The following POMK variants were observed in gnomAD, a reference collection of about 807,000 sequenced individuals.
POMK encodes the protein protein O-mannose kinase.
In POMK, 19 loss-of-function variants were observed where a neutral mutation model predicts 23.0. The ratio of observed to expected loss-of-function variants is 0.83; its 90% CI spans 0.58 to 1.21. The LOEUF (loss-of-function observed/expected upper bound fraction) is 1.21. POMK is among the 50% of genes most tolerant of loss of function. POMK has a pLI of 0.00. For missense variants in POMK, 410 were observed against 431.3 expected, an observed-to-expected ratio of 0.95 and a Z score of 0.44; for synonymous variants, 173 against 171.6, an observed-to-expected ratio of 1.01 and a Z score of -0.06.
rs539650013 is a variant in POMK, at chr8:43,107,207, A to G, written c.282+3377A>G. ...ACAAAAATATTAGGATTTAGTCTAA[A>G]TTGAAGAAAAAAAAAACTAACAACA... On this transcript the variant is annotated intron_variant, in intron 4 of 4. Transcript: ENST00000331373. Among the ~76,000 whole-genome samples the G allele has an allele frequency of 9.7e-4, 148 of 152,262 alleles. 1 individual carries two copies. Among genetic ancestry groups the G allele is most frequent in the African/African-American group, 3.3e-3 (139 of 41,538 alleles).
chr8:43,109,047 A>G (rs1010268297), intron 4 of POMK, among the ~76,000 whole-genome samples: 2 of 152,258 alleles, frequency 1.3e-5, no homozygotes, highest in Non-Finnish European at 2.9e-5. Flanking sequence ...TGTTTCCTGC[A>G]TGATTTTAAT....
chr8:43,099,141 A>G (rs2130595425), intron 2 of POMK, among the ~76,000 whole-genome samples: 1 of 152,204 alleles, frequency 6.6e-6, no homozygotes, highest in East Asian at 1.9e-4. Context: ...TGTAGACAGG[A>G]GGTCTTACTA....
chr8:43,118,774 G>T (rs1298573075), intron 4 of POMK, among the ~76,000 whole-genome samples: 1 of 152,138 alleles, frequency 6.6e-6, no homozygotes, highest in Non-Finnish European at 1.5e-5. Flanking sequence ...AGGAGCCCTG[G>T]GGCCTGTGGC....
Position 43,105,941 on chromosome 8 carries a change from G to A in POMK, c.282+2111G>A, listed in dbSNP as rs1168910806. On this transcript the variant is annotated intron_variant, in intron 4 of 4. Transcript: ENST00000331373. ...CTCCCAAAGTGCTGGGATTACAGGC[G>A]TGAGCCACTTAGCCTGGCTGTGCAT... Among the ~76,000 whole-genome samples the A allele has an allele frequency of 3.3e-5, 5 of 152,170 alleles. No homozygotes were observed. In the East Asian group the frequency reaches 5.8e-4, roughly 18 times the overall value.
chr8:43,105,320 T>A (rs1218945736), intron 4 of POMK, among the ~76,000 whole-genome samples: 2 of 152,244 alleles, frequency 1.3e-5, no homozygotes, highest in Non-Finnish European at 2.9e-5. Flanking sequence ...TTAACAAATC[T>A]CTGCCTATCC....
chr8:43,112,302 G>T (rs1440615847), intron 4 of POMK, among the ~76,000 whole-genome samples: 1 of 152,196 alleles, frequency 6.6e-6, no homozygotes, highest in Non-Finnish European at 1.5e-5. Flanking sequence ...CGATCAACTG[G>T]AAGATAGGGT....
chr8:43,115,252 A>G (rs551577984), intron 4 of POMK, among the ~76,000 whole-genome samples: 1 of 151,696 alleles, frequency 6.6e-6, no homozygotes, highest in African/African-American at 2.4e-5. Flanking sequence ...CTAATCCTGG[A>G]CCTCTCGTCT....
In POMK at chr8:43,107,524, G is replaced by A. The variant is rs1811568030; in HGVS notation, c.282+3694G>A. Among the ~76,000 whole-genome samples the A allele has an allele frequency of 2.6e-5, 4 of 151,222 alleles. No individual in the cohort carries two copies. The South Asian group carries it at 8.4e-4, about 32-fold the overall frequency. On this transcript the variant is annotated intron_variant, in intron 4 of 4. Transcript: ENST00000331373. ...TGAGTAGCTGGGATTACAGGTGAGT[G>A]CCACCACACCTGGCTAATTTTTGTA...
chr8:43,105,145 C>G (rs371361936), intron 4 of POMK, among the ~76,000 whole-genome samples: 9 of 152,300 alleles, frequency 5.9e-5, no homozygotes, highest in African/African-American at 2.2e-4. Context: ...CGGATCAGGG[C>G]ATATCTGCCA....
chr8:43,105,033 A>G (rs1221941343), intron 4 of POMK, among the ~76,000 whole-genome samples: 2 of 152,092 alleles, frequency 1.3e-5, no homozygotes, highest in Admixed American at 6.5e-5. Flanking sequence ...TGATGGTATT[A>G]TACTGATTTT....
intron 4 of POMK, among the ~76,000 whole-genome samples, chr8:43,118,807 T>G (rs889526712): frequency 5.3e-5 from 8 of 152,028 alleles, no homozygotes; most frequent in Non-Finnish European, 1.0e-4. Context: ...ACTTACTGTT[T>G]TTTTTGTTGT....
intron 4 of POMK, 115 bp from the exon 5 acceptor site, chr8:43,121,992 T>G: frequency 9.8e-7 from 1 of 1,022,844 alleles, no homozygotes; most frequent in South Asian, 1.5e-5. Context: ...GGTCTGCACC[T>G]TGTTAATTTC....
intron 4 of POMK, among the ~76,000 whole-genome samples, chr8:43,109,746 T>C (rs1586674348): frequency 1.3e-5 from 2 of 152,196 alleles, no homozygotes; most frequent in Middle Eastern, 6.8e-3. Context: ...TTTCACTATG[T>C]TGGCCAGGCT....
In POMK at chr8:43,098,283, C is replaced by A. The variant is rs1201815109; in HGVS notation, c.-118+668C>A. Among the ~76,000 whole-genome samples the A allele has an allele frequency of 3.9e-5, 6 of 152,308 alleles. No homozygotes were observed. The South Asian group carries it at 1.2e-3, about 32-fold the overall frequency. On this transcript the variant is annotated intron_variant, in intron 2 of 4. Coordinates refer to ENST00000331373, the MANE Select transcript of POMK (RefSeq NM_032237.5). ...TCCCTGTCAGCAGCTATTCCACCCC[C>A]TGCCTCCCCAGCCTCTGGGAGCCAC... is the stretch of plus-strand genomic sequence containing the variant.
In POMK at chr8:43,106,058, C is replaced by T. The variant is rs1212632602; in HGVS notation, c.282+2228C>T. On this transcript the variant is annotated intron_variant, in intron 4 of 4. Transcript: ENST00000331373. ...TGTTAGTTCTGTTTGTAATTTTCTG[C>T]GGAACCTCCATACTGTTTTCCATAA... is the stretch of plus-strand genomic sequence containing the variant. Among the ~76,000 whole-genome samples the T allele has an allele frequency of 5.3e-5, 8 of 152,212 alleles. No homozygotes were observed. In the East Asian group the frequency reaches 7.7e-4, roughly 15 times the overall value.
chr8:43,100,844 C>G lies in POMK; in HGVS notation c.-117-1661C>G, dbSNP rs1811426145. Reference sequence around the variant, plus strand: ...GTCAGAGGCCCGGTGCGCTAAGGGTCAAGTTGGTGTGAGGTGCACGTGTGT... The same window carrying G: ...GTCAGAGGCCCGGTGCGCTAAGGGTGAAGTTGGTGTGAGGTGCACGTGTGT... On this transcript the variant is annotated intron_variant, in intron 2 of 4. Transcript: ENST00000331373. 2.0e-5 allele frequency among the ~76,000 whole-genome samples: 3 copies of G among 151,720 alleles called. No individual in the cohort carries two copies. The South Asian group carries it at 6.2e-4, about 32-fold the overall frequency.
chr8:43,119,041 G>A (rs1811857336), intron 4 of POMK, among the ~76,000 whole-genome samples: 1 of 152,138 alleles, frequency 6.6e-6, no homozygotes, highest in Non-Finnish European at 1.5e-5. Flanking sequence ...TTGATCTCCT[G>A]ACCTCGTGAT....
chr8:43,096,724 C>G (rs1811342879), intron 1 of POMK, among the ~76,000 whole-genome samples: 1 of 152,194 alleles, frequency 6.6e-6, no homozygotes, highest in African/African-American at 2.4e-5. Context: ...ATCAGAGAAA[C>G]TTCCATGTAT....
At chr8:43,102,767 G>A (rs1275877904) in intron 3 of POMK, among the ~76,000 whole-genome samples, 167 bp downstream of exon 3, 1 of 152,112 alleles carries the variant, frequency 6.6e-6, no homozygotes, top group Non-Finnish European at 1.5e-5. Flanking sequence ...TGCCATCCAC[G>A]GTCCTACTTC....
Sources: gnomAD v4.1 joint callset for allele counts (sites outside exome capture counted in the v4.1 genomes callset) on GRCh38, gnomAD v4.1.1 for gene constraint, MANE v1.5 for transcripts, NCBI Gene and HGNC (gene_info 2026-07-23, HGNC 2026-07-21) for gene names.